DPP6: variants seen among roughly 807,000 people sequenced by gnomAD.
DPP6 encodes the protein A-type potassium channel modulatory protein DPP6.
Under a neutral mutation model 122.6 loss-of-function variants are expected in DPP6, and 69 were observed. The observed-to-expected ratio is 0.56, with a 90% confidence interval of 0.46 to 0.69. The LOEUF is 0.69. DPP6 is among the 30% of genes least tolerant of loss of function. The probability of loss-of-function intolerance (pLI) is 0.00; values close to 1 mark genes in which losing one functional copy is unlikely to be tolerated. For synonymous variants in DPP6, 418 were observed against 433.1 expected (o/e 0.97, Z 0.43); for missense variants, 928 against 1,116.9 (o/e 0.83, Z 2.41).
At chr7:153,861,471 A>G in the DPP6 span, among the ~76,000 whole-genome samples, 37 of 152,350 alleles carry the variant, frequency 2.4e-4, no homozygotes, top group South Asian at 3.5e-3. Context: ...TATACCATCA[A>G]ATGTGATAAG....
chr7:153,773,339 T>A, the DPP6 span, among the ~76,000 whole-genome samples: 39 of 146,526 alleles, frequency 2.7e-4, no homozygotes, highest in African/African-American at 9.7e-4. Context: ...TATTTTTTTT[T>A]AAAGCAGGCA....
At chr7:153,818,175 T>C in the DPP6 span, among the ~76,000 whole-genome samples, 1 of 152,046 alleles carries the variant, frequency 6.6e-6, no homozygotes, top group Non-Finnish European at 1.5e-5. Context: ...TCTCAAACTT[T>C]ATTCGTAACC....
Position 154,322,802 on chromosome 7 carries a change from C to T in DPP6, c.244-123412C>T, listed in dbSNP as rs181429639. 3.1e-3 allele frequency among the ~76,000 whole-genome samples: 470 copies of T among 152,282 alleles called. 4 individuals carry two copies. The highest frequency in any genetic ancestry group is 0.01 in the Middle Eastern group (3 of 294). On this transcript the variant is annotated intron_variant, in intron 1 of 25. Transcript: ENST00000377770. ...CAGTAAACATTGTAGTCTTTGCCTT[C>T]AAGGTGTTTGAAACATAAAACATGC...
At chr7:154,645,608 T>TG (rs1466225160) in intron 6 of DPP6, among the ~76,000 whole-genome samples, 9 of 152,172 alleles carry the variant, frequency 5.9e-5, no homozygotes, top group African/African-American at 2.2e-4. Flanking sequence ...AACAGTTCCT[T>TG]TGCTCCTCTG....
At chr7:154,729,722 C>T (rs1842243221) in intron 8 of DPP6, among the ~76,000 whole-genome samples, 1 of 152,200 alleles carries the variant, frequency 6.6e-6, no homozygotes, top group Non-Finnish European at 1.5e-5. Context: ...CTGTCCTTCC[C>T]TGTGTGGTCA....
the DPP6 span, among the ~76,000 whole-genome samples, chr7:153,749,237 C>G: frequency 3.9e-5 from 6 of 152,158 alleles, no homozygotes; most frequent in South Asian, 2.1e-4. The surrounding 1 kb of genome is among the most constrained non-coding windows in gnomAD (Gnocchi z 4.1). Context: ...GGGCTCTGCC[C>G]GTGCATCCGC....
intron 1 of DPP6, among the ~76,000 whole-genome samples, chr7:154,390,169 G>C (rs1814490098): frequency 6.6e-6 from 1 of 152,182 alleles, no homozygotes. Context: ...GATGCAAGTG[G>C]GGGAAGGTAA....
At chr7:153,862,500 G>A in the DPP6 span, among the ~76,000 whole-genome samples, 1 of 152,330 alleles carries the variant, frequency 6.6e-6, no homozygotes, top group African/African-American at 2.4e-5. Context: ...TGATGTTACA[G>A]AACAGCCTCA....
At chr7:154,439,200 T>C (rs1819154714) in intron 1 of DPP6, among the ~76,000 whole-genome samples, 1 of 152,242 alleles carries the variant, frequency 6.6e-6, no homozygotes, top group South Asian at 2.1e-4. Context: ...GCCAAAAATC[T>C]ACCCAGTATA....
Position 154,497,426 on chromosome 7 carries a change from G to T in DPP6, c.457+22389G>T, listed in dbSNP as rs112428735. ...AGTTTGAAACCAGCCTGGCCAACAT[G>T]GTGAAACCCCCATCTCTACTAAAAA... On this transcript the variant is annotated intron_variant, in intron 3 of 25. Transcript: ENST00000377770. 3.3e-3 allele frequency among the ~76,000 whole-genome samples: 495 copies of T among 152,096 alleles called. 2 individuals carry two copies. Among genetic ancestry groups the T allele is most frequent in the African/African-American group, 0.011 (471 of 41,490 alleles).
At chr7:154,254,154 A>G (rs1323542734) in intron 1 of DPP6, among the ~76,000 whole-genome samples, 1 of 152,210 alleles carries the variant, frequency 6.6e-6, no homozygotes, top group Non-Finnish European at 1.5e-5. Flanking sequence ...CACAGCAGCT[A>G]TTATTATCCC....
the DPP6 span, among the ~76,000 whole-genome samples, chr7:153,776,323 G>A: frequency 2.7e-4 from 41 of 152,146 alleles, no homozygotes; most frequent in East Asian, 1.9e-4. Context: ...TCATGGGGGC[G>A]GTCACTTCCA....
chr7:153,918,586 C>CAG (rs1481623589), intron 1 of DPP6, among the ~76,000 whole-genome samples: 739 of 54,622 alleles, frequency 0.014, no homozygotes, highest in African/African-American at 0.055. Flanking sequence ...CTCTCTCTCT[C>CAG]TCTCTCTCTC....
intron 1 of DPP6, among the ~76,000 whole-genome samples, chr7:153,928,604 G>A (rs569443926): frequency 3.8e-4 from 57 of 151,592 alleles, no homozygotes; most frequent in African/African-American, 1.2e-3. Flanking sequence ...TACAGGGGAC[G>A]AAGAAGATCC....
intron 4 of DPP6, among the ~76,000 whole-genome samples, chr7:154,542,882 T>C (rs1828845892): frequency 6.6e-6 from 1 of 152,218 alleles, no homozygotes; most frequent in Non-Finnish European, 1.5e-5. Flanking sequence ...TTTAAAATTA[T>C]CATGCCTCAA....
At chr7:154,295,773 T>C (rs1805497164) in intron 1 of DPP6, among the ~76,000 whole-genome samples, 1 of 152,206 alleles carries the variant, frequency 6.6e-6, no homozygotes, top group East Asian at 1.9e-4. Context: ...TATTCTTTAA[T>C]TTGTTAAATG....
At chr7:154,303,018 G>T (rs1292720932) in intron 1 of DPP6, among the ~76,000 whole-genome samples, 1 of 152,148 alleles carries the variant, frequency 6.6e-6, no homozygotes, top group Non-Finnish European at 1.5e-5. Context: ...GTCTTGCCCT[G>T]TCACCCAGGC....
chr7:154,566,927 T>A lies in DPP6; in HGVS notation c.627+11T>A, dbSNP rs1405756128. The A allele has an allele frequency of 1.1e-5, 17 of 1,578,472 alleles. No individual in the cohort carries two copies. The East Asian group carries it at 3.8e-4, about 35-fold the overall frequency. On this transcript the variant is annotated intron_variant, in intron 5 of 25. Transcript: ENST00000377770. ...TACAATGTGGAACCCGTGAGTATTA[T>A]CCTTTACTGCCTACAAAATAATTGT... is the stretch of plus-strand genomic sequence containing the variant.
intron 7 of DPP6, among the ~76,000 whole-genome samples, chr7:154,719,805 G>A (rs900694347): frequency 6.6e-6 from 1 of 152,216 alleles, no homozygotes; most frequent in Non-Finnish European, 1.5e-5. Context: ...GGGAAACGGA[G>A]TCTTCTGAGG....
Sources: gnomAD v4.1 joint callset for allele counts (sites outside exome capture counted in the v4.1 genomes callset) on GRCh38, gnomAD v4.1.1 for gene constraint, Gnocchi (gnomAD v3.1) non-coding constraint, MANE v1.5 for transcripts, NCBI Gene and HGNC (gene_info 2026-07-23, HGNC 2026-07-21) for gene names.